NEK11: variants seen among roughly 807,000 people sequenced by gnomAD.
The protein encoded by NEK11 is NIMA related kinase 11, also known as serine/threonine-protein kinase Nek11.
Under a neutral mutation model 80.7 loss-of-function variants are expected in NEK11, and 72 were observed. The observed-to-expected ratio is 0.89, with a 90% CI of 0.74 to 1.08. The LOEUF is 1.08. Among genes scored for constraint, NEK11 ranks in the 50% least tolerant of loss-of-function variants. NEK11 has a pLI of 0.00. For synonymous variants in NEK11, 251 were observed against 260.7 expected, an observed-to-expected ratio of 0.96 and a Z score of 0.36; for missense variants, 764 against 763.6, an observed-to-expected ratio of 1.00 and a Z score of -0.01.
At chr3:131,244,048 G>C (rs2095559184) in intron 16 of NEK11, among the ~76,000 whole-genome samples, 1 of 151,638 alleles carries the variant, frequency 6.6e-6, no homozygotes, top group African/African-American at 2.4e-5. Flanking sequence ...TCTAGCACTA[G>C]ATGATAAACA....
chr3:131,123,414 C>G (rs56405900), intron 5 of NEK11, among the ~76,000 whole-genome samples: 1,742 of 152,264 alleles, frequency 0.011, 43 homozygotes, highest in African/African-American at 0.039. Context: ...ATCTGCCTGC[C>G]TCGGCCTCCC....
At chr3:131,066,681 T>A (rs1171033015) in intron 3 of NEK11, among the ~76,000 whole-genome samples, 2 of 150,728 alleles carry the variant, frequency 1.3e-5, no homozygotes, top group Non-Finnish European at 3.0e-5. Flanking sequence ...TAAAAAAAAA[T>A]AAATACAAAA....
intron 3 of NEK11, among the ~76,000 whole-genome samples, chr3:131,049,042 G>T (rs964170846): frequency 6.6e-6 from 1 of 152,122 alleles, no homozygotes; most frequent in African/African-American, 2.4e-5. Context: ...CGAACCTAAG[G>T]CTTGAACTAG....
intron 4 of NEK11, among the ~76,000 whole-genome samples, chr3:131,106,803 A>G (rs1423459581): frequency 1.3e-5 from 2 of 152,228 alleles, no homozygotes; most frequent in Non-Finnish European, 2.9e-5. Context: ...TTCATAACAT[A>G]CATACTGACA....
chr3:131,163,114 G>C (rs1273468232), intron 11 of NEK11, among the ~76,000 whole-genome samples: 1 of 152,142 alleles, frequency 6.6e-6, no homozygotes, highest in Non-Finnish European at 1.5e-5. Context: ...TAGAGAAAAG[G>C]GAACCCTTGT....
chr3:131,166,927 C>G (rs2092289235), intron 12 of NEK11, among the ~76,000 whole-genome samples: 1 of 152,182 alleles, frequency 6.6e-6, no homozygotes, highest in South Asian at 2.1e-4. Flanking sequence ...GGCTCTTCTT[C>G]TCTGGTGCAG....
intron 3 of NEK11, among the ~76,000 whole-genome samples, chr3:131,073,101 A>C (rs555921559): frequency 6.6e-6 from 1 of 152,172 alleles, no homozygotes; most frequent in Non-Finnish European, 1.5e-5. Context: ...CGCCAGCTCT[A>C]TTCTTGCACT....
At chr3:131,155,983 AT>A (rs1311017100) in intron 10 of NEK11, among the ~76,000 whole-genome samples, 4 of 152,180 alleles carry the variant, frequency 2.6e-5, no homozygotes, top group Non-Finnish European at 5.9e-5. Flanking sequence ...ATTACCTGCT[AT>A]TTCAAGAAAC....
chr3:131,239,483 A>G lies in NEK11; in HGVS notation c.1561-3953A>G, dbSNP rs549984486. Among the ~76,000 whole-genome samples, 115 of 152,312 alleles carry G rather than the reference A, an allele frequency of 7.6e-4. 1 individual carries two copies. The highest frequency in any genetic ancestry group is 3.4e-3 in the Middle Eastern group (1 of 294). On this transcript the variant is annotated intron_variant, in intron 15 of 17. Transcript: ENST00000383366. ...ATGAAAGCAAAGCATGCATGCATCC[A>G]TTCTCACTCAGAGCAGCTTTCAGCC...
chr3:131,251,971 C>T (rs1415477451), intron 16 of NEK11, among the ~76,000 whole-genome samples: 1 of 152,094 alleles, frequency 6.6e-6, no homozygotes, highest in Non-Finnish European at 1.5e-5. Context: ...ACTGCAAGAA[C>T]TTCCCTGTCA....
chr3:131,094,367 A>G (rs1026033262), intron 4 of NEK11, among the ~76,000 whole-genome samples: 1 of 152,062 alleles, frequency 6.6e-6, no homozygotes, highest in South Asian at 2.1e-4. Context: ...AAAGTGTGAG[A>G]TTCATGAGGT....
At chr3:131,188,294 T>G (rs2150246567) in intron 14 of NEK11, among the ~76,000 whole-genome samples, 1 of 152,316 alleles carries the variant, frequency 6.6e-6, no homozygotes, top group Admixed American at 6.5e-5. Flanking sequence ...GGTATTTCTT[T>G]TTCCTCTAAA....
At chr3:131,063,761 T>G (rs2071356433) in intron 3 of NEK11, among the ~76,000 whole-genome samples, 1 of 152,072 alleles carries the variant, frequency 6.6e-6, no homozygotes, top group African/African-American at 2.4e-5. Flanking sequence ...ATAGAGTAAC[T>G]CACCAGCCAG....
At chr3:131,225,612 C>T (rs941468038) in intron 14 of NEK11, among the ~76,000 whole-genome samples, 2 of 152,130 alleles carry the variant, frequency 1.3e-5, no homozygotes, top group South Asian at 4.1e-4. Flanking sequence ...TTAAATAACA[C>T]AGTGTTACAG....
At chr3:131,297,566 C>T (rs1368087427) in intron 17 of NEK11, among the ~76,000 whole-genome samples, 1 of 152,048 alleles carries the variant, frequency 6.6e-6, no homozygotes, top group Non-Finnish European at 1.5e-5. Context: ...GATATTAGCC[C>T]TTTGTCAGAT....
intron 17 of NEK11, among the ~76,000 whole-genome samples, chr3:131,274,546 A>AATG (rs2096259379): frequency 1.3e-5 from 2 of 150,904 alleles, no homozygotes; most frequent in South Asian, 2.1e-4. Flanking sequence ...TGACTTCCAC[A>AATG]ATGGTTGAAC....
chr3:131,118,529 A>G lies in NEK11; in HGVS notation c.455+8608A>G, dbSNP rs776916157. ...GATCCCTCTTTTTCTGTTGATTAGA[A>G]TAATTTCAGAAGGAATGATACCAAT... On this transcript the variant is annotated intron_variant, in intron 5 of 17. Coordinates refer to ENST00000383366, the MANE Select transcript of NEK11 (RefSeq NM_024800.5). Among the ~76,000 whole-genome samples the G allele has an allele frequency of 2.7e-4, 41 of 152,226 alleles. 1 individual carries two copies. Among genetic ancestry groups the G allele is most frequent in the Non-Finnish European group, 4.3e-4 (29 of 68,038 alleles).
At chr3:131,261,858 G>A (rs1427840) in intron 16 of NEK11, among the ~76,000 whole-genome samples, 7,631 of 152,056 alleles carry the variant, frequency 0.05, 266 homozygotes, top group Middle Eastern at 0.085. Flanking sequence ...CCCACCTATT[G>A]AGCATATAAA....
At chr3:131,059,762 A>G (rs1341087240) in intron 3 of NEK11, among the ~76,000 whole-genome samples, 1 of 152,168 alleles carries the variant, frequency 6.6e-6, no homozygotes, top group Non-Finnish European at 1.5e-5. Context: ...CACCTCTTTC[A>G]GAGAACTTAC....
Sources: gnomAD v4.1 joint callset for allele counts (sites outside exome capture counted in the v4.1 genomes callset) on GRCh38, gnomAD v4.1.1 for gene constraint, MANE v1.5 for transcripts, NCBI Gene and HGNC (gene_info 2026-07-23, HGNC 2026-07-21) for gene names.